The following TRPV5 variants were observed in gnomAD, a reference collection of about 807,000 sequenced individuals.
TRPV5 encodes calcium transport protein 2.
Under a neutral mutation model 74.1 loss-of-function variants are expected in TRPV5, and 66 were observed. That is an observed-to-expected ratio of 0.89 (90% CI 0.73 to 1.09). The LOEUF (loss-of-function observed/expected upper bound fraction) is 1.09. Among genes scored for constraint, TRPV5 ranks in the 50% least tolerant of loss-of-function variants. The pLI is 0.00. For synonymous variants in TRPV5, 399 were observed against 360.7 expected, an observed-to-expected ratio of 1.11 and a Z score of -1.20; for missense variants, 936 against 930.4, an observed-to-expected ratio of 1.01 and a Z score of -0.08.
intron 8 of TRPV5, 200 bp downstream of exon 8, chr7:142,925,329 G>T (rs1795965011): frequency 1.7e-6 from 1 of 604,652 alleles, no homozygotes; most frequent in Non-Finnish European, 2.9e-6. Flanking sequence ...AAAATCCACA[G>T]CTCCCTGGAC....
intron 7 of TRPV5, among the ~76,000 whole-genome samples, chr7:142,927,672 C>A (rs564944577): frequency 2.6e-5 from 4 of 152,266 alleles, no homozygotes; most frequent in African/African-American, 9.6e-5. Context: ...CTCACTATCA[C>A]GAGAACATCA....
At chr7:142,911,806 G>C (rs1795706855) in intron 13 of TRPV5, among the ~76,000 whole-genome samples, 1 of 152,170 alleles carries the variant, frequency 6.6e-6, no homozygotes. Flanking sequence ...TATTTGAATG[G>C]TGCTTATATG....
In TRPV5 at chr7:142,914,924, C is replaced by T. The variant is rs536303737; in HGVS notation, c.1409G>A (p.Arg470Gln). ...LGWCSVMYFT[R>Q]GFQMLGPFTI... ...GAAGGGACCCAGCATCTGGAATCCT[C>T]GAGTGAAATACATGACACTGCACCA... The change falls in exon 11 of 15, where the codon CGA becomes CAA. Residue 470 changes from arginine (R) to glutamine (Q), a missense_variant. Coordinates refer to ENST00000265310, the MANE Select transcript of TRPV5 (RefSeq NM_019841.7). 2.3e-5 allele frequency: 37 copies of T among 1,614,080 alleles called. No individual in the cohort carries two copies. In the African/African-American group the frequency reaches 3.9e-4, roughly 17 times the overall value.
At position 142,915,322 on chromosome 7, in the gene TRPV5, G is replaced by A. The variant is rs1795775598; in HGVS notation, c.1271C>T (p.Pro424Leu). The change falls in exon 10 of 15, where the codon CCA becomes CTA. Residue 424 changes from proline to leucine, a missense_variant. By Grantham distance (98) the Pro-to-Leu change is moderately conservative. Coordinates refer to ENST00000265310, the MANE Select transcript of TRPV5 (RefSeq NM_019841.7). ...GGATACTCACATGATGACATGGAAT[G>A]GCCCCCCAAGAATCGTCTTTCCAAA... is the stretch of plus-strand genomic sequence containing the variant. ...RYFGKTILGG[P>L]FHVIIITYAS... 6.2e-7 allele frequency: 1 copy of A among 1,608,668 alleles called. No individual in the cohort carries two copies. Among genetic ancestry groups the A allele is most frequent in the Non-Finnish European group, 8.5e-7 (1 of 1,178,726 alleles).
chr7:142,924,475 C>T (rs1285465416), intron 8 of TRPV5, among the ~76,000 whole-genome samples: 1 of 150,656 alleles, frequency 6.6e-6, no homozygotes, highest in South Asian at 2.1e-4. Context: ...CATTTGGGCT[C>T]TTTGCCCTGT....
intron 8 of TRPV5, among the ~76,000 whole-genome samples, chr7:142,923,540 T>A (rs1442797906): frequency 6.6e-6 from 1 of 152,168 alleles, no homozygotes; most frequent in East Asian, 1.9e-4. Context: ...TCAATCCTCT[T>A]ACCCACCCAC....
rs748609415 is a variant in TRPV5, at chr7:142,925,554, G to A, written c.1097C>T (p.Thr366Ile). 2 of 1,614,182 alleles carry A rather than the reference G, an allele frequency of 1.2e-6. No individual in the cohort carries two copies. The highest frequency in any genetic ancestry group is 1.7e-6 in the Non-Finnish European group (2 of 1,180,038). ...CTGTAGTAGTTTTTGCTGGAGGATG[G>A]TGATGTCTCGAGAATGAGTGCGGTT... ...GGNRTHSRDI[T>I]ILQQKLLQEA... Residue 366 changes from threonine (T) to isoleucine (I), a missense_variant, in exon 8 of 15, where the codon ACC (threonine) becomes ATC (isoleucine). Coordinates refer to ENST00000265310, the MANE Select transcript of TRPV5 (RefSeq NM_019841.7).
At chr7:142,923,033 T>C (rs1795910687) in intron 8 of TRPV5, among the ~76,000 whole-genome samples, 1 of 152,226 alleles carries the variant, frequency 6.6e-6, no homozygotes, top group Admixed American at 6.5e-5. Flanking sequence ...GCTGTTGCAC[T>C]ACTCTTATAA....
chr7:142,931,092 A>C (rs2116611000), intron 1 of TRPV5, among the ~76,000 whole-genome samples: 1 of 131,584 alleles, frequency 7.6e-6, no homozygotes, highest in East Asian at 2.2e-4. Context: ...GTACAATCTC[A>C]GCTTACCGCA....
intron 8 of TRPV5, among the ~76,000 whole-genome samples, chr7:142,918,293 C>G (rs147934574): frequency 1.7e-3 from 252 of 152,214 alleles, no homozygotes; most frequent in African/African-American, 5.7e-3. Context: ...ATATTGTTGC[C>G]TGGTTATGTT....
intron 8 of TRPV5, among the ~76,000 whole-genome samples, chr7:142,924,265 CATAT>C (rs58526667): frequency 0.03 from 3,092 of 102,298 alleles, 129 homozygotes; most frequent in African/African-American, 0.086. Context: ...TATATATATA[CATAT>C]ATATATATAT....
Position 142,930,424 on chromosome 7 carries a change from G to A in TRPV5, c.151C>T (p.Arg51Ter), listed in dbSNP as rs141452078. 3.7e-6 allele frequency: 6 copies of A among 1,614,084 alleles called. No homozygotes were observed. Among genetic ancestry groups the A allele is most frequent in the African/African-American group, 1.3e-5 (1 of 75,040 alleles). The part of the protein sequence containing the change: ...QKRILESPLL[R>*]ASKENDLSVL... ...GACAGGTCATTTTCCTTGGATGCTC[G>A]AAGCAGTGGAGACTCTAGAATCCTG... The change falls in exon 2 of 15, where the codon CGA becomes TGA. Residue 51 changes from arginine (R) to a stop codon, truncating the protein, a stop_gained. Coordinates refer to ENST00000265310, the MANE Select transcript of TRPV5 (RefSeq NM_019841.7). LOFTEE classifies it high-confidence loss of function.
chr7:142,912,542 G>A lies in TRPV5; in HGVS notation c.1728C>T (p.Ala576=), dbSNP rs369197446. ...CCCTCCAGTGGGTGTCGCCCATCAT[G>A]GCGATGAACAAGTTGAGCATGAGCA... ...ATLLMLNLFI[A]MMGDTHWRVA... Residue 576 remains alanine (A), a synonymous_variant, in exon 13 of 15, where the codon GCC becomes GCT. Transcript: ENST00000265310. 37 of 1,614,116 alleles carry A rather than the reference G, an allele frequency of 2.3e-5. No homozygotes were observed. Among genetic ancestry groups the A allele is most frequent in the Non-Finnish European group, 3.1e-5 (37 of 1,180,056 alleles).
chr7:142,932,469 T>C lies in TRPV5; in HGVS notation c.128+863A>G, dbSNP rs542613888. Among the ~76,000 whole-genome samples the C allele has an allele frequency of 2.0e-5, 3 of 152,272 alleles. No homozygotes were observed. In the East Asian group the frequency reaches 5.8e-4, roughly 29 times the overall value. Reference sequence around the variant, plus strand: ...CCCCTTGTTCAAAATTATTAAGAACTTGAAGATGAGGACAGCAGGGCATTG... The same window carrying C: ...CCCCTTGTTCAAAATTATTAAGAACCTGAAGATGAGGACAGCAGGGCATTG... On this transcript the variant is annotated intron_variant, in intron 1 of 14. Transcript: ENST00000265310.
intron 1 of TRPV5, 43 bp from the exon 2 acceptor site, chr7:142,930,489 A>C (rs766482208): frequency 7.1e-7 from 1 of 1,416,656 alleles, no homozygotes; most frequent in Non-Finnish European, 1.0e-6. Context: ...CAGTCATAGC[A>C]GAATGAGGCC....
At chr7:142,928,025 C>G in intron 7 of TRPV5, 63 bp downstream of exon 7, 1 of 1,600,382 alleles carries the variant, frequency 6.2e-7, no homozygotes, top group Non-Finnish European at 8.6e-7. Context: ...AGTAAGTGGA[C>G]AGACTCTGCA....
chr7:142,925,675 G>A lies in TRPV5; in HGVS notation c.976C>T (p.Arg326Trp), dbSNP rs764623394. The change falls in exon 8 of 15, where the codon CGG (arginine) becomes TGG (tryptophan). Residue 326 changes from arginine (R) to tryptophan (W), a missense_variant. Physicochemically the swap from Arg to Trp is moderately radical, Grantham distance 101. Coordinates refer to ENST00000265310, the MANE Select transcript of TRPV5 (RefSeq NM_019841.7). ...LVSFKWNKYG[R>W]PYFCILAALY... ...GCAGCCAGGATGCAGAAGTACGGCC[G>A]GCCATACTTGTTCCACTTGAAGCTC... 8 of 1,613,996 alleles carry A rather than the reference G, an allele frequency of 5.0e-6. No individual in the cohort carries two copies. The highest frequency in any genetic ancestry group is 2.7e-5 in the African/African-American group (2 of 74,886).
Position 142,928,343 on chromosome 7 carries a change from T to C in TRPV5, c.763-109A>G. 2.5e-6 allele frequency: 3 copies of C among 1,205,464 alleles called. No individual in the cohort carries two copies. The South Asian group carries it at 3.9e-5, about 16-fold the overall frequency. The allele number at this position is 1,205,464 out of a possible 1,614,324, so 74.7% of individuals were successfully genotyped here. On this transcript the variant is annotated intron_variant, in intron 6 of 14. Coordinates refer to ENST00000265310, the MANE Select transcript of TRPV5 (RefSeq NM_019841.7). ...CCCACCCCTTGAGACAGACAGACAG[T>C]GGGAACCAGCAAACCTCTGCATCTA...
At chr7:142,927,757 C>T (rs1687295919) in intron 7 of TRPV5, among the ~76,000 whole-genome samples, 1 of 151,572 alleles carries the variant, frequency 6.6e-6, no homozygotes, top group Non-Finnish European at 1.5e-5. Flanking sequence ...TACAATTTGA[C>T]ATGAAATTTT....
Sources: gnomAD v4.1 joint callset for allele counts (sites outside exome capture counted in the v4.1 genomes callset) on GRCh38, gnomAD v4.1.1 for gene constraint, MANE v1.5 for transcripts, NCBI Gene and HGNC (gene_info 2026-07-23, HGNC 2026-07-21) for gene names.